Variants in ADARB2 observed in about 807,000 individuals in gnomAD.
The protein encoded by ADARB2 is inactive double-stranded RNA-specific editase B2.
ADARB2 carries 25 observed loss-of-function variants against 62.2 expected under a neutral mutation model. That is an observed-to-expected ratio of 0.40 (90% CI 0.29 to 0.56). The LOEUF is 0.56. ADARB2 is among the 20% of genes least tolerant of loss of function. The pLI is 0.43. For missense variants in ADARB2, 1,071 were observed against 1,077.4 expected (o/e 0.99, Z 0.08); for synonymous variants, 572 against 500.8 (o/e 1.14, Z -1.90).
At chr10:1,727,577 A>G (rs1835181979) in intron 1 of ADARB2, among the ~76,000 whole-genome samples, 1 of 152,220 alleles carries the variant, frequency 6.6e-6, no homozygotes, top group Admixed American at 6.5e-5. Context: ...GAAATGTTCA[A>G]ACTTAAAGGG....
chr10:1,180,428 C>G lies in ADARB2; in HGVS notation c.*2765G>C. On this transcript the variant is annotated 3_prime_UTR_variant, in exon 10 of 10. Coordinates refer to ENST00000381312, the MANE Select transcript of ADARB2 (RefSeq NM_018702.4). Reference sequence around the variant, plus strand: ...TGGGAATCCTGGGACCCGGGTCTTCCAGGCACACCTGGGGCTGTGGGAATC... The same window carrying G: ...TGGGAATCCTGGGACCCGGGTCTTCGAGGCACACCTGGGGCTGTGGGAATC... 6.6e-6 allele frequency: 1 copy of G among 152,566 alleles called. No individual in the cohort carries two copies. The highest frequency in any genetic ancestry group is 1.5e-5 in the Non-Finnish European group (1 of 68,368). The allele number at this position is 152,566 out of a possible 1,614,324, so 9.5% of individuals were successfully genotyped here.
At chr10:1,514,269 C>T (rs1831980825) in intron 1 of ADARB2, among the ~76,000 whole-genome samples, 1 of 148,446 alleles carries the variant, frequency 6.7e-6, no homozygotes, top group Non-Finnish European at 1.5e-5. Flanking sequence ...CAGAGGACTC[C>T]TGAATGTTCA....
chr10:1,576,081 G>A (rs561357991), intron 1 of ADARB2, among the ~76,000 whole-genome samples: 3 of 145,980 alleles, frequency 2.1e-5, no homozygotes, highest in Non-Finnish European at 3.0e-5. Flanking sequence ...GGTCACAGGA[G>A]GGGGCTCAGG....
In ADARB2 at chr10:1,246,189, G is replaced by C. The variant is rs543870524; in HGVS notation, c.1193-3890C>G. On this transcript the variant is annotated intron_variant, in intron 4 of 9. Transcript: ENST00000381312. Reference sequence around the variant, plus strand: ...CACCCACTTTTTCATGGGGTTGTTTGATTTTTCTTGTAAATTTGTTTGAGT... The same window carrying C: ...CACCCACTTTTTCATGGGGTTGTTTCATTTTTCTTGTAAATTTGTTTGAGT... Among the ~76,000 whole-genome samples the C allele has an allele frequency of 3.3e-5, 5 of 152,006 alleles. No individual in the cohort carries two copies. In the South Asian group the frequency reaches 1.0e-3, roughly 32 times the overall value.
rs956020513 is a variant in ADARB2 at position 1,248,571 on chromosome 10, C to T, written c.1193-6272G>A. ...CTGTGAGCTGCTCCTGGCCGGTACT[C>T]GGAGCCAGGAGAAGATCAGGAAGCC... On this transcript the variant is annotated intron_variant, in intron 4 of 9. Coordinates refer to ENST00000381312, the MANE Select transcript of ADARB2 (RefSeq NM_018702.4). Among the ~76,000 whole-genome samples, 5 of 152,122 alleles carry T rather than the reference C, an allele frequency of 3.3e-5. No homozygotes were observed. In the East Asian group the frequency reaches 9.7e-4, roughly 29 times the overall value.
At chr10:1,556,466 A>G in intron 1 of ADARB2, 2 of 356,580 alleles carry the variant, frequency 5.6e-6, no homozygotes, top group South Asian at 4.2e-5. Context: ...CCTTGTCTCT[A>G]AATATTCCCT....
intron 1 of ADARB2, chr10:1,678,279 G>T (rs960246222): frequency 1.2e-5 from 12 of 985,112 alleles, no homozygotes; most frequent in African/African-American, 7.0e-5. Context: ...GGACCTCGGG[G>T]TGAGCGTCCT....
At chr10:1,682,885 A>T (rs1834555485) in intron 1 of ADARB2, among the ~76,000 whole-genome samples, 1 of 152,206 alleles carries the variant, frequency 6.6e-6, no homozygotes, top group African/African-American at 2.4e-5. Flanking sequence ...AGGGCTGCAG[A>T]TGAGAGAGTG....
intron 1 of ADARB2, among the ~76,000 whole-genome samples, chr10:1,589,438 T>A (rs1358688876): frequency 6.7e-6 from 1 of 149,712 alleles, no homozygotes; most frequent in Non-Finnish European, 1.5e-5. Context: ...ATGGTCGGGG[T>A]GTCCATGGTC....
chr10:1,422,011 G>T (rs574457460), intron 1 of ADARB2, among the ~76,000 whole-genome samples: 2,468 of 152,270 alleles, frequency 0.016, 53 homozygotes, highest in African/African-American at 0.047. Context: ...GGCTTGAGGT[G>T]CCTGCATCTG....
intron 1 of ADARB2, among the ~76,000 whole-genome samples, chr10:1,429,185 G>T (rs1387054621): frequency 2.6e-5 from 4 of 152,216 alleles, no homozygotes; most frequent in African/African-American, 9.6e-5. Flanking sequence ...TCTTACAATG[G>T]CATGTGCGTC....
intron 1 of ADARB2, among the ~76,000 whole-genome samples, chr10:1,722,626 A>C (rs1383277251): frequency 6.6e-6 from 1 of 152,192 alleles, no homozygotes; most frequent in Non-Finnish European, 1.5e-5. Flanking sequence ...TCTTGGTAGC[A>C]CATCAACTTC....
chr10:1,535,411 C>G (rs1404950216), intron 1 of ADARB2, among the ~76,000 whole-genome samples: 1 of 152,230 alleles, frequency 6.6e-6, no homozygotes, highest in Non-Finnish European at 1.5e-5. Flanking sequence ...CGAGGTGATA[C>G]TGAGCTCTGC....
At chr10:1,567,918 C>T (rs1271120544) in intron 1 of ADARB2, among the ~76,000 whole-genome samples, 1 of 152,188 alleles carries the variant, frequency 6.6e-6, no homozygotes, top group Non-Finnish European at 1.5e-5. Flanking sequence ...GTGCCCTTTG[C>T]CTCCTGCCTG....
Position 1,200,110 on chromosome 10 carries a change from G to A in ADARB2, c.1720C>T (p.His574Tyr). ...VLGLQGALLS[H>Y]FVEPVYLQSI... is the part of the protein sequence containing the mutation. ...TGCAGGTACACGGGCTCCACGAAGT[G>A]GGACAGGAGCGCGCCCTGCAGCCCC... Residue 574 changes from histidine (H) to tyrosine (Y), a missense_variant, in exon 8 of 10, where the codon CAC becomes TAC. By Grantham distance (83) the His-to-Tyr change is moderately conservative. Coordinates refer to ENST00000381312, the MANE Select transcript of ADARB2 (RefSeq NM_018702.4). 3 of 1,557,902 alleles carry A rather than the reference G, an allele frequency of 1.9e-6. No individual in the cohort carries two copies. The Admixed American group carries it at 5.8e-5, about 30-fold the overall frequency.
In ADARB2 at chr10:1,302,400, G is replaced by T. The variant is rs571901587; in HGVS notation, c.1078-31331C>A. 1.2e-4 allele frequency among the ~76,000 whole-genome samples: 19 copies of T among 152,348 alleles called. No homozygotes were observed. The South Asian group carries it at 3.9e-3, about 32-fold the overall frequency. On this transcript the variant is annotated intron_variant, in intron 3 of 9. Transcript: ENST00000381312. ...CCTACCCCACGGAGTCTCGCTGATT[G>T]CTAGCACAGCAGTCTGAGATCAAAC...
chr10:1,681,486 A>T (rs575501817), intron 1 of ADARB2, among the ~76,000 whole-genome samples: 15 of 100,052 alleles, frequency 1.5e-4, no homozygotes, highest in East Asian at 6.7e-4. Context: ...AAAAAATATT[A>T]AAAAAAAAAA....
Position 1,737,323 on chromosome 10 carries a change from G to GC in ADARB2, c.-174_-173insG. 1.6e-6 allele frequency: 1 copy of GC among 639,944 alleles called. No individual in the cohort carries two copies. Among genetic ancestry groups the GC allele is most frequent in the Non-Finnish European group, 2.7e-6 (1 of 372,210 alleles). 39.6% of individuals were successfully genotyped at this position (639,944 alleles called of 1,614,324 possible). On this transcript the variant is annotated 5_prime_UTR_variant, in exon 1 of 10. Transcript: ENST00000381312. ...GCTCCGTCTCTCTGTCTCTCGAATTGTTCTCTATGACTTGCTCCCACTGGG... is the reference window on the plus strand; with the variant it reads ...GCTCCGTCTCTCTGTCTCTCGAATTGCTTCTCTATGACTTGCTCCCACTGGG...
chr10:1,466,562 C>T (rs954079024), intron 1 of ADARB2, among the ~76,000 whole-genome samples: 3 of 152,116 alleles, frequency 2.0e-5, no homozygotes, highest in Admixed American at 6.5e-5. Flanking sequence ...AGTGGCTAGG[C>T]GGACACACAG....
Sources: allele counts gnomAD v4.1 joint callset (sites outside exome capture counted in the v4.1 genomes callset), GRCh38; gene constraint gnomAD v4.1.1; transcripts MANE v1.5; gene names NCBI Gene and HGNC (gene_info 2026-07-23, HGNC 2026-07-21).